Variants in ZNF532 observed in about 807,000 individuals in gnomAD.
ZNF532 encodes the protein zinc finger protein 532.
A neutral mutation model predicts 89.3 loss-of-function variants in ZNF532; 22 were observed. The ratio of observed to expected loss-of-function variants is 0.25; its 90% confidence interval spans 0.18 to 0.35. The LOEUF is 0.35. Ranked by LOEUF, ZNF532 falls within the 10% of genes least tolerant of loss-of-function variation. The pLI is 1.00. For missense variants in ZNF532, 1,132 were observed against 1,643.4 expected, an observed-to-expected ratio of 0.69 and a Z score of 5.38; for synonymous variants, 606 against 649.6, an observed-to-expected ratio of 0.93 and a Z score of 1.02.
chr18:58,973,849 A>C (rs1041084592), intron 7 of ZNF532, among the ~76,000 whole-genome samples: 1 of 152,210 alleles, frequency 6.6e-6, no homozygotes, highest in East Asian at 1.9e-4. Flanking sequence ...TGGAGGAATT[A>C]TATGTGTATT....
chr18:58,909,286 G>T (rs1037171777), intron 2 of ZNF532, among the ~76,000 whole-genome samples: 1 of 152,134 alleles, frequency 6.6e-6, no homozygotes, highest in African/African-American at 2.4e-5. Context: ...CCTAGAGCAG[G>T]TGAAGGTCAT....
rs2068375184 is a variant in ZNF532 at position 58,986,214 on chromosome 18, C to CATA, written c.*1752_*1754dup. ...TGTTTGTATTGCTCTAAGTTGTATTCATAATAGCACTTTCATATGTTTCTG... is the reference window on the plus strand; with the variant it reads ...TGTTTGTATTGCTCTAAGTTGTATTCATAATAATAGCACTTTCATATGTTTCTG... On this transcript the variant is annotated 3_prime_UTR_variant, in exon 10 of 10. Coordinates refer to ENST00000591808, the MANE Select transcript of ZNF532 (RefSeq NM_001375912.1). The CATA allele has an allele frequency of 6.6e-6, 1 of 152,604 alleles. No homozygotes were observed. Among genetic ancestry groups the CATA allele is most frequent in the Non-Finnish European group, 1.5e-5 (1 of 68,046 alleles). The allele number at this position is 152,604 out of a possible 1,614,324, so 9.5% of individuals were successfully genotyped here.
intron 2 of ZNF532, among the ~76,000 whole-genome samples, chr18:58,906,029 A>G (rs1205173057): frequency 6.6e-6 from 1 of 152,154 alleles, no homozygotes; most frequent in Non-Finnish European, 1.5e-5. Flanking sequence ...TGCCATTCTC[A>G]TCACAGCCCG....
chr18:58,880,763 C>T (rs201126413), intron 2 of ZNF532, among the ~76,000 whole-genome samples: 4,037 of 118,788 alleles, frequency 0.034, 169 homozygotes, highest in African/African-American at 0.11. Flanking sequence ...CGCGCGCGCA[C>T]GCGCGCGCGT....
At chr18:58,982,001 C>CAAAA (rs60019659) in intron 9 of ZNF532, among the ~76,000 whole-genome samples, 17 of 83,332 alleles carry the variant, frequency 2.0e-4, no homozygotes, top group African/African-American at 5.1e-4. Context: ...GAGACTCTCC[C>CAAAA]AAAAAAAAAA....
chr18:58,888,849 ATATAATTT>A (rs2058628771), intron 2 of ZNF532, among the ~76,000 whole-genome samples: 1 of 58,250 alleles, frequency 1.7e-5, no homozygotes, highest in African/African-American at 9.7e-5. Flanking sequence ...ATTTATATAT[ATATAATTT>A]ATATATATAT....
chr18:58,902,682 G>C (rs2059678312), intron 2 of ZNF532, among the ~76,000 whole-genome samples: 1 of 151,948 alleles, frequency 6.6e-6, no homozygotes. Flanking sequence ...AGTAGAGACA[G>C]GGTTTCTCCA....
chr18:58,895,216 GC>G (rs1328935878), intron 2 of ZNF532, among the ~76,000 whole-genome samples: 1 of 152,214 alleles, frequency 6.6e-6, no homozygotes, highest in Non-Finnish European at 1.5e-5. Flanking sequence ...AGCAGTAGCT[GC>G]GTCGTCTTCT....
At position 58,948,151 on chromosome 18, in the gene ZNF532, C is replaced by T. The variant is rs758096638; in HGVS notation, c.2790C>T (p.Asn930=). The part of the protein sequence containing the change: ...LYRHFDQHIE[N]QKVSVFKCPD... ...GCCACTTTGACCAACACATTGAAAACCAGAAGGTGTCTGTTTTCAAGTGTC... is the reference window on the plus strand; with the variant it reads ...GCCACTTTGACCAACACATTGAAAATCAGAAGGTGTCTGTTTTCAAGTGTC... The change falls in exon 6 of 10, where the codon AAC becomes AAT. Residue 930 remains asparagine (N), a synonymous_variant. Transcript: ENST00000591808. The T allele has an allele frequency of 1.2e-6, 2 of 1,614,002 alleles. No homozygotes were observed. Among genetic ancestry groups the T allele is most frequent in the Non-Finnish European group, 1.7e-6 (2 of 1,179,906 alleles).
In ZNF532 at chr18:58,979,141, A is replaced by T; in HGVS notation, c.3237A>T (p.Lys1079Asn). 6.2e-7 allele frequency: 1 copy of T among 1,613,404 alleles called. No homozygotes were observed. The highest frequency in any genetic ancestry group is 8.5e-7 in the Non-Finnish European group (1 of 1,179,408). ...SLCRHNRIKHKGIRKVYACSH... is the reference protein window; with the variant it reads ...SLCRHNRIKHNGIRKVYACSH... ...GCCGGCACAACCGGATCAAGCACAA[A>T]GGCATCAGGAAAGTGTACGCCTGCT... Residue 1079 changes from lysine to asparagine, a missense_variant, in exon 8 of 10, where the codon AAA becomes AAT. By Grantham distance (94) the Lys-to-Asn change is moderately conservative. Around this residue, in one of 9 missense-constraint regions of ZNF532, gnomAD observed 415 missense variants for 604.8 expected, o/e 0.69. Coordinates refer to ENST00000591808, the MANE Select transcript of ZNF532 (RefSeq NM_001375912.1).
chr18:58,949,451 C>T (rs754741300), intron 6 of ZNF532, among the ~76,000 whole-genome samples: 4 of 152,194 alleles, frequency 2.6e-5, no homozygotes, highest in Non-Finnish European at 5.9e-5. Flanking sequence ...GTAATCCCAG[C>T]ACTTTGGGAG....
At chr18:58,876,001 C>T (rs902442977) in intron 2 of ZNF532, among the ~76,000 whole-genome samples, 3 of 144,704 alleles carry the variant, frequency 2.1e-5, no homozygotes, top group Non-Finnish European at 4.5e-5. Flanking sequence ...GGCGCGATCT[C>T]GACTCACTGC....
At chr18:58,965,852 C>T (rs770426568) in intron 7 of ZNF532, among the ~76,000 whole-genome samples, 2 of 152,106 alleles carry the variant, frequency 1.3e-5, no homozygotes, top group African/African-American at 2.4e-5. Flanking sequence ...TGTAGCAGGG[C>T]CTGAGCCTTA....
At chr18:58,972,749 T>C (rs1021116057) in intron 7 of ZNF532, among the ~76,000 whole-genome samples, 1 of 152,190 alleles carries the variant, frequency 6.6e-6, no homozygotes, top group African/African-American at 2.4e-5. Flanking sequence ...CTTATCCGTA[T>C]TTAAACACCG....
chr18:58,911,327 T>G (rs7231463), intron 2 of ZNF532, among the ~76,000 whole-genome samples: 3 of 152,056 alleles, frequency 2.0e-5, no homozygotes, highest in African/African-American at 7.2e-5. Flanking sequence ...TTTGAAGGAA[T>G]GAAGCTGTGG....
intron 8 of ZNF532, chr18:58,979,555 T>TTTTTGTATTTTTAG (rs2067472476): frequency 6.5e-6 from 1 of 154,942 alleles, no homozygotes; most frequent in Non-Finnish European, 1.4e-5. Context: ...ACCCAGCTAA[T>TTTTTGTATTTTTAG]TTTTGTATTT....
chr18:58,976,372 A>G (rs17756775), intron 7 of ZNF532, among the ~76,000 whole-genome samples: 33,496 of 152,152 alleles, frequency 0.22, 4,492 homozygotes, highest in Middle Eastern at 0.42. Flanking sequence ...TTTTGATGTT[A>G]ATATTACTAC....
At chr18:58,890,099 T>C (rs1275444746) in intron 2 of ZNF532, among the ~76,000 whole-genome samples, 1 of 149,212 alleles carries the variant, frequency 6.7e-6, no homozygotes, top group South Asian at 2.1e-4. Context: ...AAAAAAAAAT[T>C]AGCTGGGCAT....
At chr18:58,977,221 C>A (rs4940436) in intron 7 of ZNF532, among the ~76,000 whole-genome samples, 1 of 152,138 alleles carries the variant, frequency 6.6e-6, no homozygotes, top group African/African-American at 2.4e-5. Flanking sequence ...CAGTATTTTT[C>A]TATGCTTTTT....
Sources: allele counts gnomAD v4.1 joint callset (sites outside exome capture counted in the v4.1 genomes callset), GRCh38; gene constraint gnomAD v4.1.1; regional missense constraint gnomAD v4.1.1; transcripts MANE v1.5; gene names NCBI Gene and HGNC (gene_info 2026-07-23, HGNC 2026-07-21).